The following MACROD2 variants were observed in gnomAD, a reference collection of about 807,000 sequenced individuals.
The protein encoded by MACROD2 is ADP-ribose glycohydrolase MACROD2.
Under a neutral mutation model 70.4 loss-of-function variants are expected in MACROD2, and 36 were observed. That is an observed-to-expected ratio of 0.51 (90% CI 0.39 to 0.68). The LOEUF is 0.68. MACROD2 is among the 30% of genes least tolerant of loss of function. MACROD2 has a pLI of 0.00. For synonymous variants in MACROD2, 172 were observed against 178.8 expected, an observed-to-expected ratio of 0.96 and a Z score of 0.30; for missense variants, 496 against 538.4, an observed-to-expected ratio of 0.92 and a Z score of 0.78.
chr20:15,350,312 A>T (rs967890127), intron 6 of MACROD2, among the ~76,000 whole-genome samples: 2 of 152,222 alleles, frequency 1.3e-5, no homozygotes, highest in African/African-American at 4.8e-5. Context: ...GGGCTGGAGA[A>T]GCTCAAGCAA....
At position 14,997,657 on chromosome 20, in the gene MACROD2, C is replaced by G. The variant is rs1243253884; in HGVS notation, c.419-232283C>G. Among the ~76,000 whole-genome samples the G allele has an allele frequency of 2.0e-5, 3 of 152,220 alleles. No homozygotes were observed. In the East Asian group the frequency reaches 5.8e-4, roughly 29 times the overall value. On this transcript the variant is annotated intron_variant, in intron 5 of 17. Transcript: ENST00000684519. ...CTTCTTGACAGCATTTCTAGACCCACCTGGGTCAGAAGGGAACCTGCCACC... is the reference window on the plus strand; with the variant it reads ...CTTCTTGACAGCATTTCTAGACCCAGCTGGGTCAGAAGGGAACCTGCCACC...
chr20:15,531,036 A>G (rs1160472145), intron 8 of MACROD2, among the ~76,000 whole-genome samples: 1 of 149,412 alleles, frequency 6.7e-6, no homozygotes, highest in African/African-American at 2.5e-5. Context: ...GGAGTTGTAC[A>G]TCGATGAGTT....
chr20:15,146,548 G>A (rs6034112), intron 5 of MACROD2, among the ~76,000 whole-genome samples: 6,054 of 152,212 alleles, frequency 0.04, 418 homozygotes, highest in African/African-American at 0.14. Flanking sequence ...AGAGCAGGGC[G>A]TAGTAGAGCA....
chr20:15,816,335 C>T (rs576992024), intron 8 of MACROD2, among the ~76,000 whole-genome samples: 72 of 152,208 alleles, frequency 4.7e-4, no homozygotes, highest in African/African-American at 1.7e-3. Flanking sequence ...AGGTCAACTC[C>T]ATCGAACCCC....
chr20:15,697,411 G>A (rs1043042145), intron 8 of MACROD2, among the ~76,000 whole-genome samples: 1 of 152,190 alleles, frequency 6.6e-6, no homozygotes, highest in Non-Finnish European at 1.5e-5. Flanking sequence ...ACTGTGGTCT[G>A]AGAGAGTGCT....
intron 8 of MACROD2, among the ~76,000 whole-genome samples, chr20:15,743,899 A>G (rs12625785): frequency 1.3e-5 from 2 of 152,294 alleles, no homozygotes; most frequent in East Asian, 3.9e-4. Flanking sequence ...GCATAAGCTT[A>G]AATTTATAGT....
intron 3 of MACROD2, among the ~76,000 whole-genome samples, chr20:14,251,307 A>T (rs2082010708): frequency 6.6e-6 from 1 of 152,150 alleles, no homozygotes; most frequent in Admixed American, 6.5e-5. Context: ...CTTGAAGTTG[A>T]GCTCCTGCTA....
At chr20:14,047,426 G>A (rs2053494922) in intron 2 of MACROD2, among the ~76,000 whole-genome samples, 1 of 132,568 alleles carries the variant, frequency 7.5e-6, no homozygotes, top group Admixed American at 9.0e-5. Flanking sequence ...CTGCACTCCA[G>A]CCTGAGCAAC....
chr20:14,366,687 A>C (rs1307885590), intron 3 of MACROD2, among the ~76,000 whole-genome samples: 1 of 152,118 alleles, frequency 6.6e-6, no homozygotes, highest in Non-Finnish European at 1.5e-5. Context: ...CTTAAAGTCT[A>C]TTTTATCTGA....
At chr20:15,113,777 T>TGTGC (rs1265943723) in intron 5 of MACROD2, among the ~76,000 whole-genome samples, 1 of 146,908 alleles carries the variant, frequency 6.8e-6, no homozygotes, top group African/African-American at 2.7e-5. Context: ...TGTGTGTGTG[T>TGTGC]GTGTGTGTGT....
At chr20:14,756,095 T>G (rs1052087088) in intron 5 of MACROD2, among the ~76,000 whole-genome samples, 2 of 152,160 alleles carry the variant, frequency 1.3e-5, no homozygotes, top group Admixed American at 6.5e-5. Flanking sequence ...AAAATCTTAC[T>G]GAGACTTTTA....
chr20:15,695,816 G>A (rs1277182221), intron 8 of MACROD2, among the ~76,000 whole-genome samples: 1 of 152,066 alleles, frequency 6.6e-6, no homozygotes, highest in Non-Finnish European at 1.5e-5. Flanking sequence ...TATAATAGGG[G>A]TTGAGTTCTT....
At chr20:14,711,986 T>G (rs535586840) in intron 5 of MACROD2, among the ~76,000 whole-genome samples, 1 of 152,134 alleles carries the variant, frequency 6.6e-6, no homozygotes, top group Non-Finnish European at 1.5e-5. Flanking sequence ...CTTTTTCACA[T>G]CAGAGGTTTA....
intron 9 of MACROD2, among the ~76,000 whole-genome samples, chr20:15,870,833 G>A (rs1422227739): frequency 6.6e-6 from 1 of 152,122 alleles, no homozygotes; most frequent in African/African-American, 2.4e-5. Flanking sequence ...CTTAAGTATT[G>A]TTAACACAGC....
At chr20:14,506,364 G>A (rs778993631) in intron 4 of MACROD2, among the ~76,000 whole-genome samples, 30 of 152,238 alleles carry the variant, frequency 2.0e-4, no homozygotes, top group Non-Finnish European at 2.9e-4. Flanking sequence ...GGCCTTAACC[G>A]TGGAATGCAC....
intron 9 of MACROD2, among the ~76,000 whole-genome samples, chr20:15,873,938 T>C (rs997001640): frequency 6.6e-6 from 1 of 152,156 alleles, no homozygotes. Flanking sequence ...TATTATACTT[T>C]AAGTTCTAGG....
chr20:14,760,369 T>A (rs2071999504), intron 5 of MACROD2, among the ~76,000 whole-genome samples: 2 of 152,268 alleles, frequency 1.3e-5, no homozygotes, highest in South Asian at 4.1e-4. Context: ...ACAGAAATGA[T>A]GCAGAATTTT....
At chr20:14,225,327 A>G (rs991044493) in intron 3 of MACROD2, among the ~76,000 whole-genome samples, 8 of 152,358 alleles carry the variant, frequency 5.3e-5, no homozygotes, top group African/African-American at 1.9e-4. Flanking sequence ...AAACATGACT[A>G]CTTTTTAAAA....
intron 5 of MACROD2, among the ~76,000 whole-genome samples, chr20:15,152,611 C>T (rs2076279141): frequency 6.7e-6 from 1 of 148,386 alleles, no homozygotes; most frequent in South Asian, 2.2e-4. Context: ...GGGGTTCTTG[C>T]CTCTCCCCCA....
Sources: allele counts gnomAD v4.1 joint callset (sites outside exome capture counted in the v4.1 genomes callset), GRCh38; gene constraint gnomAD v4.1.1; transcripts MANE v1.5; gene names NCBI Gene and HGNC (gene_info 2026-07-23, HGNC 2026-07-21).